The following NOS2 variants were observed in gnomAD, a reference collection of about 807,000 sequenced individuals.
The protein encoded by NOS2 is nitric oxide synthase 2, also known as nitric oxide synthase, inducible.
A neutral mutation model predicts 136.0 loss-of-function variants in NOS2; 96 were observed. The ratio of observed to expected loss-of-function variants is 0.71; its 90% confidence interval spans 0.60 to 0.84. The LOEUF is 0.84. Among genes scored for constraint, NOS2 ranks in the 40% least tolerant of loss-of-function variants. NOS2 has a pLI of 0.00. For synonymous variants in NOS2, 539 were observed against 587.5 expected (o/e 0.92, Z 1.20); for missense variants, 1,237 against 1,496.9 (o/e 0.83, Z 2.87).
chr17:27,795,961 G>C (rs1909341879), intron 2 of NOS2, among the ~76,000 whole-genome samples: 1 of 152,142 alleles, frequency 6.6e-6, no homozygotes, highest in Non-Finnish European at 1.5e-5. Context: ...AAGACATAGG[G>C]ATAACTGGCA....
intron 2 of NOS2, among the ~76,000 whole-genome samples, chr17:27,796,283 C>G (rs1909352248): frequency 6.6e-6 from 1 of 152,060 alleles, no homozygotes; most frequent in Admixed American, 6.6e-5. Flanking sequence ...AACACCGTCT[C>G]TACTAAAAAT....
intron 7 of NOS2, 68 bp downstream of exon 7, chr17:27,781,936 AGACCCAAGTGC>A: frequency 8.0e-7 from 1 of 1,242,314 alleles, no homozygotes; most frequent in Non-Finnish European, 1.2e-6. Context: ...TGCCTCCCCT[AGACCCAAGTGC>A]TGCATCTTTT....
chr17:27,763,714 G>A (rs1396995170), intron 21 of NOS2, among the ~76,000 whole-genome samples: 1 of 152,006 alleles, frequency 6.6e-6, no homozygotes, highest in East Asian at 1.9e-4. Flanking sequence ...AGACGGATAA[G>A]GGCGGCTCCC....
chr17:27,799,048 C>T (rs535925133), intron 1 of NOS2, among the ~76,000 whole-genome samples, 166 bp from the exon 2 acceptor site: 5 of 152,238 alleles, frequency 3.3e-5, no homozygotes, highest in African/African-American at 9.6e-5. Flanking sequence ...GGGGAGCCTT[C>T]GGACACAGAC....
intron 2 of NOS2, among the ~76,000 whole-genome samples, chr17:27,792,560 T>G (rs1489410703): frequency 2.6e-5 from 4 of 152,070 alleles, no homozygotes; most frequent in Non-Finnish European, 4.4e-5. Flanking sequence ...GTGAGCACCT[T>G]CAGAATCTGG....
intron 1 of NOS2, 114 bp from the exon 2 acceptor site, chr17:27,798,996 A>G (rs1482199704): frequency 3.4e-6 from 2 of 594,618 alleles, no homozygotes; most frequent in Non-Finnish European, 6.0e-6. Flanking sequence ...GAGCCCCTTC[A>G]TCAATGCTTT....
intron 11 of NOS2, among the ~76,000 whole-genome samples, chr17:27,777,935 G>A (rs984013969): frequency 5.9e-5 from 9 of 151,962 alleles, no homozygotes; most frequent in East Asian, 3.9e-4. Context: ...CCAGCTACTC[G>A]GCAGGCTAAG....
Position 27,760,136 on chromosome 17 carries a change from C to G in NOS2, c.3053G>C (p.Arg1018Pro), listed in dbSNP as rs1309420143. 6.2e-7 allele frequency: 1 copy of G among 1,603,218 alleles called. No homozygotes were observed. The highest frequency in any genetic ancestry group is 8.5e-7 in the Non-Finnish European group (1 of 1,175,264). ...GRMTLVFGCR[R>P]PDEDHIYQEE... ...CTGGTAGATGTGGTCCTCATCTGGG[C>G]GGCGGCACCCAAACACCAAGGTCAT... The change falls in exon 25 of 27, where the codon CGC becomes CCC. Residue 1018 changes from arginine (R) to proline (P), a missense_variant. By Grantham distance (103) the Arg-to-Pro change is moderately radical. Transcript: ENST00000313735.
rs928557471 is a variant in NOS2 at position 27,759,944 on chromosome 17, C to T, written c.3159+86G>A. 113 of 1,351,874 alleles carry T rather than the reference C, an allele frequency of 8.4e-5. 1 individual carries two copies. Among genetic ancestry groups the T allele is most frequent in the Admixed American group, 2.7e-5 (1 of 37,254 alleles). 83.7% of individuals were successfully genotyped at this position (1,351,874 alleles called of 1,614,324 possible). On this transcript the variant is annotated intron_variant, in intron 25 of 26. Coordinates refer to ENST00000313735, the MANE Select transcript of NOS2 (RefSeq NM_000625.4). The stretch of plus-strand genomic sequence containing the variant: ...TTTTCGAGCTCAGGAGGTGAAGGCT[C>T]GGGGAGGCGAGGGGCCTGTGGGGAC...
In NOS2 at chr17:27,772,195, A is replaced by G. The variant is rs374534686; in HGVS notation, c.1704+113T>C. On this transcript the variant is annotated intron_variant, in intron 14 of 26. Coordinates refer to ENST00000313735, the MANE Select transcript of NOS2 (RefSeq NM_000625.4). ...CTTCTCTTCCAGATTAATGATGCAC[A>G]TTACCACATCCAAGACTCTGAGACA... 13 of 1,182,394 alleles carry G rather than the reference A, an allele frequency of 1.1e-5. No individual in the cohort carries two copies. The South Asian group carries it at 1.9e-4, about 17-fold the overall frequency. 73.2% of individuals were successfully genotyped at this position (1,182,394 alleles called of 1,614,324 possible).
At chr17:27,780,729 T>G in intron 9 of NOS2, 38 bp downstream of exon 9, 1 of 1,613,888 alleles carries the variant, frequency 6.2e-7, no homozygotes, top group South Asian at 1.1e-5. Context: ...GGCTGTGTGT[T>G]GACTCGCCCT....
chr17:27,767,816 C>T lies in NOS2; in HGVS notation c.2056G>A (p.Val686Ile). The T allele has an allele frequency of 6.2e-7, 1 of 1,611,884 alleles. No individual in the cohort carries two copies. The highest frequency in any genetic ancestry group is 8.5e-7 in the Non-Finnish European group (1 of 1,179,986). The change falls in exon 18 of 27, where the codon GTC (valine) becomes ATC (isoleucine). Residue 686 changes from valine to isoleucine, a missense_variant. Val to Ile is a conservative substitution (Grantham distance 29). Around this residue, in one of 3 missense-constraint regions of NOS2, gnomAD observed 782 missense variants for 909.9 expected, o/e 0.86. Transcript: ENST00000313735. ...ATCTGAATGTGCTGTTTGCCTCGGA[C>T]ATCAAACGTCTCACAGGCTGCCTGG... ...TFKAACETFD[V>I]RGKQHIQIPK...
intron 18 of NOS2, 134 bp from the exon 19 acceptor site, chr17:27,766,722 TC>T: frequency 1.4e-6 from 1 of 704,926 alleles, no homozygotes; most frequent in Non-Finnish European, 2.5e-6. Context: ...GTTGGGTTTT[TC>T]TTTTTCTTCC....
At chr17:27,797,837 C>T (rs1339118739) in intron 2 of NOS2, among the ~76,000 whole-genome samples, 4 of 152,200 alleles carry the variant, frequency 2.6e-5, no homozygotes, top group Non-Finnish European at 4.4e-5. Context: ...CATGAAGAAT[C>T]CAAATCTGGG....
chr17:27,774,188 GCACACACA>G, intron 12 of NOS2, 61 bp downstream of exon 12: 2 of 1,084,958 alleles, frequency 1.8e-6, no homozygotes, highest in Non-Finnish European at 1.2e-6. Flanking sequence ...ACAATGAGGT[GCACACACA>G]CACACACACA....
At chr17:27,787,511 G>T (rs1055634252) in intron 5 of NOS2, among the ~76,000 whole-genome samples, 167 bp downstream of exon 5, 2 of 152,138 alleles carry the variant, frequency 1.3e-5, no homozygotes, top group Non-Finnish European at 2.9e-5. Flanking sequence ...CTGCTCCAGG[G>T]TCTTCTCCCC....
intron 24 of NOS2, 57 bp from the exon 25 acceptor site, chr17:27,760,235 C>T: frequency 1.3e-6 from 2 of 1,483,486 alleles, no homozygotes; most frequent in South Asian, 2.7e-5. Context: ...GCCAGGGCTC[C>T]AAGCCCAACT....
chr17:27,787,333 C>T (rs1909049836), intron 5 of NOS2, among the ~76,000 whole-genome samples: 1 of 152,168 alleles, frequency 6.6e-6, no homozygotes, highest in Non-Finnish European at 1.5e-5. Context: ...TCTCATGAGC[C>T]ACCTTCTGTT....
Position 27,769,151 on chromosome 17 carries a change from C to A in NOS2, c.1860G>T (p.Arg620Ser), listed in dbSNP as rs776058843. The change falls in exon 17 of 27, where the codon AGG becomes AGT. Residue 620 changes from arginine (R) to serine (S), a missense_variant and splice_region_variant. Coordinates refer to ENST00000313735, the MANE Select transcript of NOS2 (RefSeq NM_000625.4). ...FMLKELNNKFRYAVFGLGSSM... is the reference protein window; with the variant it reads ...FMLKELNNKFSYAVFGLGSSM... ...TGGAGCCGAGGCCAAACACAGCGTA[C>A]CTGCCCGAGGACACACACAGAGACA... The A allele has an allele frequency of 6.2e-7, 1 of 1,606,942 alleles. No individual in the cohort carries two copies. Among genetic ancestry groups the A allele is most frequent in the East Asian group, 2.2e-5 (1 of 44,854 alleles).
Sources: gnomAD v4.1 joint callset for allele counts (sites outside exome capture counted in the v4.1 genomes callset) on GRCh38, gnomAD v4.1.1 for gene constraint, gnomAD v4.1.1 regional missense constraint, MANE v1.5 for transcripts, NCBI Gene and HGNC (gene_info 2026-07-23, HGNC 2026-07-21) for gene names.